The following ANKRD13A variants were observed in gnomAD, a reference collection of about 807,000 sequenced individuals.
ANKRD13A encodes the protein ankyrin repeat domain 13A.
In ANKRD13A, 48 loss-of-function variants were observed where a neutral mutation model predicts 81.3. That is an observed-to-expected ratio of 0.59 (90% CI 0.47 to 0.75). ANKRD13A has a LOEUF of 0.75. Ranked by LOEUF, ANKRD13A falls within the 30% of genes least tolerant of loss-of-function variation. The probability of loss-of-function intolerance (pLI) is 0.00; values close to 1 mark genes in which losing one functional copy is unlikely to be tolerated. For missense variants in ANKRD13A, 612 were observed against 734.0 expected (o/e 0.83, Z 1.92); for synonymous variants, 230 against 270.1 (o/e 0.85, Z 1.45).
chr12:110,027,302 T>A (rs1447884774), intron 8 of ANKRD13A: 1 of 190,574 alleles, frequency 5.2e-6, no homozygotes, highest in African/African-American at 2.4e-5. Context: ...GCCTTTAGAA[T>A]GGCGCCTGCA....
Position 110,016,389 on chromosome 12 carries a change from C to A in ANKRD13A, c.356C>A (p.Ala119Asp), listed in dbSNP as rs779811874. 1.3e-6 allele frequency: 2 copies of A among 1,585,184 alleles called. No homozygotes were observed. The highest frequency in any genetic ancestry group is 1.7e-5 in the Admixed American group (1 of 59,378). ...VPELLQKILE[A>D]PDFYVQMKWE... ...TTTAAACCTTTGTCTGCCCTTCAGG[C>A]TCCGGATTTCTATGTGCAGATGAAA... Residue 119 changes from alanine to aspartate, a missense_variant and splice_region_variant, in exon 4 of 15, where the codon GCT (alanine) becomes GAT (aspartate). Coordinates refer to ENST00000261739, the MANE Select transcript of ANKRD13A (RefSeq NM_033121.2).
intron 4 of ANKRD13A, among the ~76,000 whole-genome samples, chr12:110,017,032 C>A (rs752960466): frequency 6.6e-5 from 10 of 152,150 alleles, no homozygotes; most frequent in Non-Finnish European, 1.2e-4. Context: ...CCCTAGCCCC[C>A]CAAAGTGCTG....
In ANKRD13A at chr12:109,999,884, T is replaced by A; in HGVS notation, c.96+100T>A. The stretch of plus-strand genomic sequence containing the variant: ...CATTTCCAGCCCTCTGTCCCCGGGA[T>A]CCCCAGACCCCTTCCACTTTGCAGG... On this transcript the variant is annotated intron_variant, in intron 1 of 14. Transcript: ENST00000261739. The surrounding 1 kb of genome is among the most constrained non-coding windows in gnomAD (Gnocchi z 4.3). 9.1e-7 allele frequency: 1 copy of A among 1,097,336 alleles called. No homozygotes were observed. The highest frequency in any genetic ancestry group is 1.3e-6 in the Non-Finnish European group (1 of 796,696). The allele number at this position is 1,097,336 out of a possible 1,614,324, so 68.0% of individuals were successfully genotyped here.
chr12:110,016,585 C>T (rs7295290), intron 4 of ANKRD13A, 152 bp downstream of exon 4: 49,518 of 670,132 alleles, frequency 0.074, 2,276 homozygotes, highest in Middle Eastern at 0.12. Flanking sequence ...CTGATAGTCC[C>T]AGTTAAACAC....
intron 1 of ANKRD13A, among the ~76,000 whole-genome samples, chr12:110,010,268 C>T (rs1404774470): frequency 6.6e-6 from 1 of 152,172 alleles, no homozygotes; most frequent in Non-Finnish European, 1.5e-5. Context: ...TTTTACACAC[C>T]TCCCCTGTGG....
intron 12 of ANKRD13A, among the ~76,000 whole-genome samples, chr12:110,031,182 CTG>C: frequency 6.6e-6 from 1 of 151,752 alleles, no homozygotes; most frequent in East Asian, 1.9e-4. Flanking sequence ...GAGTAGATGT[CTG>C]TGTTGGATGA....
At chr12:110,033,760 A>G in intron 12 of ANKRD13A, 37 bp from the exon 13 acceptor site, 5 of 1,516,572 alleles carry the variant, frequency 3.3e-6, no homozygotes, top group Non-Finnish European at 4.4e-6. Flanking sequence ...TGGAAATGTA[A>G]TGAACTCAGA....
At chr12:110,007,378 T>G (rs966645190) in intron 1 of ANKRD13A, among the ~76,000 whole-genome samples, 2 of 152,132 alleles carry the variant, frequency 1.3e-5, no homozygotes, top group Admixed American at 6.6e-5. Flanking sequence ...TTGAGGTTTT[T>G]TTTGTTTGTT....
intron 11 of ANKRD13A, among the ~76,000 whole-genome samples, chr12:110,030,157 C>T (rs1480557240): frequency 6.6e-6 from 1 of 151,752 alleles, no homozygotes; most frequent in Non-Finnish European, 1.5e-5. Flanking sequence ...GGAGAAAATA[C>T]ATAACTCATT....
chr12:110,004,609 C>G (rs1890150235), intron 1 of ANKRD13A, among the ~76,000 whole-genome samples: 1 of 152,046 alleles, frequency 6.6e-6, no homozygotes, highest in Non-Finnish European at 1.5e-5. Flanking sequence ...CCAGCCTGGG[C>G]AACAAGAGGG....
intron 6 of ANKRD13A, chr12:110,021,008 A>T (rs992196286): frequency 2.6e-6 from 1 of 381,464 alleles, no homozygotes; most frequent in Non-Finnish European, 5.4e-6. Flanking sequence ...AGAGAGGGTG[A>T]CAATTCCTGG....
rs1033764108 is a variant in ANKRD13A at position 110,036,516 on chromosome 12, G to A, written c.1577+188G>A. On this transcript the variant is annotated intron_variant, in intron 14 of 14. Coordinates refer to ENST00000261739, the MANE Select transcript of ANKRD13A (RefSeq NM_033121.2). The surrounding 1 kb of genome is among the most constrained non-coding windows in gnomAD (Gnocchi z 4.6). ...TATAATCCCAGCATTTTGGGAGGCC[G>A]AGGCAGGCGGATCACGAGGTCAGAA... 6.6e-6 allele frequency among the ~76,000 whole-genome samples: 1 copy of A among 152,228 alleles called. No individual in the cohort carries two copies. Among genetic ancestry groups the A allele is most frequent in the Non-Finnish European group, 1.5e-5 (1 of 68,042 alleles).
At chr12:110,004,342 G>A (rs1278122917) in intron 1 of ANKRD13A, among the ~76,000 whole-genome samples, 5 of 151,922 alleles carry the variant, frequency 3.3e-5, no homozygotes, top group Admixed American at 1.3e-4. Flanking sequence ...CCAGCCGGGC[G>A]TGGTGGCTCA....
intron 1 of ANKRD13A, among the ~76,000 whole-genome samples, chr12:110,009,175 G>A (rs1003943890): frequency 3.9e-5 from 6 of 152,106 alleles, no homozygotes; most frequent in East Asian, 1.9e-4. Context: ...TCCGCCTTCC[G>A]GGTTCAAGCA....
intron 1 of ANKRD13A, among the ~76,000 whole-genome samples, chr12:110,010,375 G>A (rs1187339132): frequency 1.3e-5 from 2 of 152,180 alleles, no homozygotes; most frequent in East Asian, 3.8e-4. Context: ...AAGATAATGA[G>A]TTTGCTAATT....
rs1302211009 is a variant in ANKRD13A, at chr12:110,036,036, A to G, written c.1510-225A>G. ...TATTTAAGAGACTGATTTTGTACAAAGGATGAGAAGGTTGTGGCTGTGAGT... is the reference window on the plus strand; with the variant it reads ...TATTTAAGAGACTGATTTTGTACAAGGGATGAGAAGGTTGTGGCTGTGAGT... On this transcript the variant is annotated intron_variant, in intron 13 of 14. Transcript: ENST00000261739. The surrounding 1 kb of genome is among the most constrained non-coding windows in gnomAD (Gnocchi z 4.6). 6.6e-6 allele frequency among the ~76,000 whole-genome samples: 1 copy of G among 152,192 alleles called. No homozygotes were observed. The highest frequency in any genetic ancestry group is 6.5e-5 in the Admixed American group (1 of 15,278).
chr12:110,011,250 GAC>G (rs1890505126), intron 1 of ANKRD13A, among the ~76,000 whole-genome samples: 1 of 152,220 alleles, frequency 6.6e-6, no homozygotes, highest in African/African-American at 2.4e-5. Context: ...CGTGGCTCTG[GAC>G]ACGCGGTGCA....
intron 1 of ANKRD13A, among the ~76,000 whole-genome samples, chr12:110,010,336 AT>A (rs1890454939): frequency 6.6e-6 from 1 of 152,220 alleles, no homozygotes; most frequent in Admixed American, 6.5e-5. Context: ...AGGTAAGAAA[AT>A]ACTTAGTTTA....
intron 1 of ANKRD13A, among the ~76,000 whole-genome samples, chr12:110,003,543 T>G: frequency 6.6e-6 from 1 of 151,674 alleles, no homozygotes; most frequent in South Asian, 2.1e-4. Flanking sequence ...GGAGTGAGGG[T>G]GGTTGTCTGT....
Sources: gnomAD v4.1 joint callset for allele counts (sites outside exome capture counted in the v4.1 genomes callset) on GRCh38, gnomAD v4.1.1 for gene constraint, Gnocchi (gnomAD v3.1) non-coding constraint, MANE v1.5 for transcripts, NCBI Gene and HGNC (gene_info 2026-07-23, HGNC 2026-07-21) for gene names.